The following SCN2A variants were observed in gnomAD, a reference collection of about 807,000 sequenced individuals.
SCN2A encodes sodium channel protein type 2 subunit alpha.
A neutral mutation model predicts 188.7 loss-of-function variants in SCN2A; 20 were observed. The ratio of observed to expected loss-of-function variants is 0.11; its 90% confidence interval spans 0.07 to 0.15. The LOEUF (loss-of-function observed/expected upper bound fraction) is 0.15, where lower values mean the gene tolerates loss of function less well. Ranked by LOEUF, SCN2A falls within the 10% of genes least tolerant of loss-of-function variation. The probability of loss-of-function intolerance (pLI) is 1.00; values close to 1 mark genes in which losing one functional copy is unlikely to be tolerated. For synonymous variants in SCN2A, 804 were observed against 833.1 expected, an observed-to-expected ratio of 0.97 and a Z score of 0.60; for missense variants, 1,278 against 2,445.0, an observed-to-expected ratio of 0.52 and a Z score of 10.07.
At chr2:165,336,907 G>A (rs1321644209) in intron 14 of SCN2A, among the ~76,000 whole-genome samples, 1 of 151,960 alleles carries the variant, frequency 6.6e-6, no homozygotes, top group African/African-American at 2.4e-5. Flanking sequence ...ACATATTCAT[G>A]TCACATAAAA....
chr2:165,310,610 A>G lies in SCN2A; in HGVS notation c.970+15A>G. 3 of 1,584,978 alleles carry G rather than the reference A, an allele frequency of 1.9e-6. No homozygotes were observed. The highest frequency in any genetic ancestry group is 1.7e-6 in the Non-Finnish European group (2 of 1,157,558). On this transcript the variant is annotated intron_variant, in intron 7 of 26. Coordinates refer to ENST00000375437, the MANE Select transcript of SCN2A (RefSeq NM_001040142.2). The stretch of plus-strand genomic sequence containing the variant: ...TGAGGATAAAAGTAAGATATACTCT[A>G]TAAACCATTAAGTTGTTTAGTTCTC...
At chr2:165,268,700 G>A (rs1198827543) in intron 1 of SCN2A, 1 of 151,760 alleles carries the variant, frequency 6.6e-6, no homozygotes, top group Admixed American at 6.6e-5. Context: ...ATTTCCAATA[G>A]ACAGGATACG....
At chr2:165,268,852 C>G (rs1014430873) in intron 1 of SCN2A, 6 of 151,754 alleles carry the variant, frequency 4.0e-5, no homozygotes, top group Admixed American at 1.3e-4. Flanking sequence ...CATGAATGAA[C>G]CTGGAGGACA....
chr2:165,368,985 G>A (rs1700878775), intron 19 of SCN2A, among the ~76,000 whole-genome samples: 1 of 152,002 alleles, frequency 6.6e-6, no homozygotes, highest in African/African-American at 2.4e-5. Flanking sequence ...GAGTGCAGTG[G>A]TGTGATCTCG....
At chr2:165,314,992 T>C (rs1269627404) in intron 10 of SCN2A, among the ~76,000 whole-genome samples, 2 of 152,166 alleles carry the variant, frequency 1.3e-5, no homozygotes, top group African/African-American at 2.4e-5. Context: ...AAATACCCAA[T>C]TTAAATCACG....
chr2:165,276,292 G>A (rs901712149), intron 1 of SCN2A, among the ~76,000 whole-genome samples: 2 of 151,856 alleles, frequency 1.3e-5, no homozygotes, highest in Admixed American at 6.6e-5. Flanking sequence ...TTGTGAATTA[G>A]CTCCCTAAAA....
rs369654385 is a variant in SCN2A at position 165,286,358 on chromosome 2, G to A, written c.-51-9415G>A. Among the ~76,000 whole-genome samples the A allele has an allele frequency of 1.4e-4, 21 of 152,288 alleles. No homozygotes were observed. In the South Asian group the frequency reaches 2.3e-3, roughly 17 times the overall value. On this transcript the variant is annotated intron_variant, in intron 1 of 26. Coordinates refer to ENST00000375437, the MANE Select transcript of SCN2A (RefSeq NM_001040142.2). ...TGGAGAAGGTGTTTGGTAATATGCC[G>A]AAGTGGAGACCTTGGTACAGAAATG...
intron 17 of SCN2A, among the ~76,000 whole-genome samples, chr2:165,355,733 A>G (rs1700145789): frequency 6.6e-6 from 1 of 152,068 alleles, no homozygotes; most frequent in Non-Finnish European, 1.5e-5. Context: ...AGCCAAAATT[A>G]TGAGGGAAAA....
intron 23 of SCN2A, among the ~76,000 whole-genome samples, 187 bp downstream of exon 23, chr2:165,377,837 C>T (rs1701391319): frequency 6.6e-6 from 1 of 151,754 alleles, no homozygotes; most frequent in African/African-American, 2.4e-5. Flanking sequence ...TTTCTCTAAT[C>T]ACTCTGTATC....
At chr2:165,280,992 C>A (rs1695560748) in intron 1 of SCN2A, among the ~76,000 whole-genome samples, 3 of 152,144 alleles carry the variant, frequency 2.0e-5, no homozygotes, top group Non-Finnish European at 2.9e-5. Flanking sequence ...GAGGCCAAGG[C>A]AGGAGAATTG....
intron 16 of SCN2A, among the ~76,000 whole-genome samples, chr2:165,347,128 A>T (rs1699634073): frequency 6.6e-6 from 1 of 152,222 alleles, no homozygotes; most frequent in Non-Finnish European, 1.5e-5. Flanking sequence ...TTCTGCTATA[A>T]AGATGCATGC....
chr2:165,300,157 T>C (rs975616350), intron 3 of SCN2A, among the ~76,000 whole-genome samples: 11 of 152,208 alleles, frequency 7.2e-5, no homozygotes, highest in African/African-American at 1.9e-4. Flanking sequence ...TTCCTAAAGT[T>C]CCCTACCAAG....
chr2:165,350,460 CTTTCTTTTTTTTT>C (rs1332940677), intron 16 of SCN2A, among the ~76,000 whole-genome samples: 1 of 77,918 alleles, frequency 1.3e-5, no homozygotes, highest in African/African-American at 4.3e-5. Context: ...GAACTGTTTT[CTTTCTTTTTTTTT>C]TTTTTTTTTT....
At chr2:165,309,839 T>C (rs893552978) in intron 6 of SCN2A, among the ~76,000 whole-genome samples, 7 of 152,150 alleles carry the variant, frequency 4.6e-5, no homozygotes, top group Non-Finnish European at 1.5e-5. Flanking sequence ...GAGTGCTGCA[T>C]GGGGCTCAGA....
intron 1 of SCN2A, among the ~76,000 whole-genome samples, chr2:165,260,656 G>C (rs1364916722): frequency 6.6e-6 from 1 of 151,938 alleles, no homozygotes; most frequent in Non-Finnish European, 1.5e-5. Flanking sequence ...ACCAAACTCT[G>C]TGCAGTCCCT....
At chr2:165,271,014 T>G (rs556007623) in intron 1 of SCN2A, 11 of 152,076 alleles carry the variant, frequency 7.2e-5, no homozygotes, top group Non-Finnish European at 1.6e-4. Context: ...CTTCTAAGAT[T>G]GTTGTACATG....
chr2:165,364,634 A>G (rs1411430739), intron 17 of SCN2A, among the ~76,000 whole-genome samples: 1 of 152,196 alleles, frequency 6.6e-6, no homozygotes, highest in Non-Finnish European at 1.5e-5. Context: ...ATATTTAATA[A>G]CAATCTGGTA....
At chr2:165,350,930 A>C (rs2105331013) in intron 16 of SCN2A, among the ~76,000 whole-genome samples, 1 of 152,316 alleles carries the variant, frequency 6.6e-6, no homozygotes, top group African/African-American at 2.4e-5. Context: ...GTTGTGGAGG[A>C]TAAGTTGGAT....
intron 1 of SCN2A, among the ~76,000 whole-genome samples, chr2:165,254,707 C>G (rs559896236): frequency 1.3e-5 from 2 of 151,676 alleles, no homozygotes; most frequent in African/African-American, 2.4e-5. Context: ...TAGAAAAATT[C>G]AAAGATTTTA....
Sources: allele counts gnomAD v4.1 joint callset (sites outside exome capture counted in the v4.1 genomes callset), GRCh38; gene constraint gnomAD v4.1.1; transcripts MANE v1.5; gene names NCBI Gene and HGNC (gene_info 2026-07-23, HGNC 2026-07-21).